Variants in ERBB4 observed in about 807,000 individuals in gnomAD.
The protein encoded by ERBB4 is receptor tyrosine-protein kinase erbB-4.
Under a neutral mutation model 158.0 loss-of-function variants are expected in ERBB4, and 42 were observed. That is an observed-to-expected ratio of 0.27 (90% CI 0.21 to 0.34). ERBB4 has a LOEUF of 0.34. Ranked by LOEUF, ERBB4 falls within the 10% of genes least tolerant of loss-of-function variation. The probability of loss-of-function intolerance (pLI) is 1.00; values close to 1 mark genes in which losing one functional copy is unlikely to be tolerated. For synonymous variants in ERBB4, 583 were observed against 558.7 expected (o/e 1.04, Z -0.61); for missense variants, 1,333 against 1,624.1 (o/e 0.82, Z 3.08).
chr2:211,688,562 T>C (rs562194750), intron 12 of ERBB4, among the ~76,000 whole-genome samples: 199 of 152,336 alleles, frequency 1.3e-3, no homozygotes, highest in South Asian at 2.7e-3. Flanking sequence ...TTTTTGATTG[T>C]TTCATGAGGC....
chr2:212,053,670 G>A (rs896669970), intron 2 of ERBB4, among the ~76,000 whole-genome samples: 3 of 151,998 alleles, frequency 2.0e-5, no homozygotes, highest in Non-Finnish European at 2.9e-5. Context: ...CTATGATCTG[G>A]CCCTTCCTCC....
rs2075739372 is a variant in ERBB4, at chr2:211,772,856, T to TATACAC, written c.556+15168_556+15169insGTGTAT. On this transcript the variant is annotated intron_variant, in intron 4 of 27. Transcript: ENST00000342788. ...ATATACACATATATATATATATATA[T>TATACAC]ATATATATATATACACATATATATA... 8.9e-5 allele frequency among the ~76,000 whole-genome samples: 6 copies of TATACAC among 67,154 alleles called. 1 individual carries two copies. Among genetic ancestry groups the TATACAC allele is most frequent in the African/African-American group, 4.0e-4 (6 of 14,914 alleles). 44.1% of individuals were successfully genotyped at this position (67,154 alleles called of 152,430 possible). A position where few individuals can be genotyped will look rare whatever the true frequency, so the allele number is the denominator to read the frequency against.
intron 2 of ERBB4, among the ~76,000 whole-genome samples, chr2:211,971,096 C>T (rs1025550985): frequency 1.3e-5 from 2 of 152,120 alleles, no homozygotes; most frequent in African/African-American, 4.8e-5. Context: ...TCAGCATTTG[C>T]TTGTCTGAAA....
chr2:211,724,951 AT>A (rs2074219044), intron 6 of ERBB4, 124 bp downstream of exon 6: 18 of 764,314 alleles, frequency 2.4e-5, no homozygotes, highest in Non-Finnish European at 7.1e-6. Context: ...AGGGCAGAGC[AT>A]TTTTCTTAAT....
intron 1 of ERBB4, among the ~76,000 whole-genome samples, chr2:212,158,550 C>T (rs1451062225): frequency 1.3e-5 from 2 of 152,076 alleles, no homozygotes; most frequent in Middle Eastern, 3.4e-3. Flanking sequence ...ATCTCTGACT[C>T]GCTCAAAAAG....
chr2:212,517,807 A>ATG (rs1691929354), intron 1 of ERBB4, among the ~76,000 whole-genome samples: 1 of 152,088 alleles, frequency 6.6e-6, no homozygotes, highest in African/African-American at 2.4e-5. Flanking sequence ...TCTGAAAGGA[A>ATG]TGTGTGGAGT....
At chr2:211,677,571 AT>A (rs1465216525) in intron 13 of ERBB4, among the ~76,000 whole-genome samples, 8 of 150,110 alleles carry the variant, frequency 5.3e-5, no homozygotes, top group Non-Finnish European at 7.4e-5. Flanking sequence ...CTCAAAAAAA[AT>A]AAATTAAAAA....
At chr2:211,690,526 T>C (rs1574992118) in intron 12 of ERBB4, among the ~76,000 whole-genome samples, 1 of 152,166 alleles carries the variant, frequency 6.6e-6, no homozygotes, top group South Asian at 2.1e-4. Context: ...CAATATCTAT[T>C]GGAAGAAATC....
intron 1 of ERBB4, among the ~76,000 whole-genome samples, chr2:212,234,515 G>A (rs1371434614): frequency 1.3e-5 from 2 of 152,098 alleles, no homozygotes; most frequent in Non-Finnish European, 2.9e-5. Context: ...GGATTGCTGG[G>A]TCAAATGGTA....
At chr2:211,615,348 CA>C (rs879557866) in intron 19 of ERBB4, among the ~76,000 whole-genome samples, 1 of 151,278 alleles carries the variant, frequency 6.6e-6, no homozygotes, top group Non-Finnish European at 1.5e-5. Flanking sequence ...AAAAAGAAAA[CA>C]AAAAACAACA....
Position 212,337,518 on chromosome 2 carries a change from A to G in ERBB4, c.82+200931T>C, listed in dbSNP as rs766753472. Reference sequence around the variant, plus strand: ...CTAGCTCAGACCCTCTCCCATCTCTATTACAATGTCGATTACACTTTAATG... The same window carrying G: ...CTAGCTCAGACCCTCTCCCATCTCTGTTACAATGTCGATTACACTTTAATG... On this transcript the variant is annotated intron_variant, in intron 1 of 27. Transcript: ENST00000342788. Among the ~76,000 whole-genome samples, 93 of 152,156 alleles carry G rather than the reference A, an allele frequency of 6.1e-4. No individual in the cohort carries two copies. In the Middle Eastern group the frequency reaches 0.017, roughly 28 times the overall value.
intron 1 of ERBB4, among the ~76,000 whole-genome samples, chr2:212,153,331 T>C (rs1267447469): frequency 6.6e-6 from 1 of 152,124 alleles, no homozygotes; most frequent in African/African-American, 2.4e-5. Flanking sequence ...ACAAAGTGAG[T>C]AAGAACACAA....
intron 19 of ERBB4, among the ~76,000 whole-genome samples, chr2:211,613,035 G>C (rs2069258628): frequency 6.6e-6 from 1 of 151,988 alleles, no homozygotes; most frequent in African/African-American, 2.4e-5. Context: ...ATCTATTCAA[G>C]GTGTGCTAGA....
intron 1 of ERBB4, among the ~76,000 whole-genome samples, chr2:212,130,701 A>C (rs993606671): frequency 9.2e-5 from 14 of 152,288 alleles, no homozygotes; most frequent in African/African-American, 3.4e-4. Context: ...TTTATCAATT[A>C]AGAAATGAAT....
intron 2 of ERBB4, among the ~76,000 whole-genome samples, chr2:211,985,088 A>T (rs1443470058): frequency 1.3e-5 from 2 of 152,190 alleles, no homozygotes; most frequent in East Asian, 3.9e-4. Context: ...TGTATGCATA[A>T]TCCAAGCATG....
chr2:212,353,524 C>T (rs544011396), intron 1 of ERBB4, among the ~76,000 whole-genome samples: 3 of 151,342 alleles, frequency 2.0e-5, no homozygotes, highest in East Asian at 3.9e-4. Flanking sequence ...TAGCTTTTTC[C>T]TATTAGTTTC....
intron 3 of ERBB4, among the ~76,000 whole-genome samples, chr2:211,805,178 C>T (rs2076587498): frequency 6.6e-6 from 1 of 152,176 alleles, no homozygotes; most frequent in African/African-American, 2.4e-5. Flanking sequence ...CTGTGCCTCC[C>T]AAAGTGCTAA....
chr2:211,990,258 T>C (rs961262896), intron 2 of ERBB4, among the ~76,000 whole-genome samples: 11 of 78,386 alleles, frequency 1.4e-4, no homozygotes, highest in African/African-American at 3.0e-4. Context: ...TGCATTATTA[T>C]AATAAAAAAG....
chr2:211,514,793 T>C (rs76737151), intron 20 of ERBB4, among the ~76,000 whole-genome samples: 3,682 of 152,282 alleles, frequency 0.024, 97 homozygotes, highest in African/African-American at 0.061. Flanking sequence ...TACTTACCAG[T>C]TCAACATTCT....
Sources: allele counts gnomAD v4.1 joint callset (sites outside exome capture counted in the v4.1 genomes callset), GRCh38; gene constraint gnomAD v4.1.1; transcripts MANE v1.5; gene names NCBI Gene and HGNC (gene_info 2026-07-23, HGNC 2026-07-21).